COL21A1: variants seen among roughly 807,000 people sequenced by gnomAD.
COL21A1 encodes the protein collagen type XXI alpha 1 chain.
In COL21A1, 149 loss-of-function variants were observed where a neutral mutation model predicts 137.9. That is an observed-to-expected ratio of 1.08 (90% CI 0.95 to 1.24). COL21A1 has a LOEUF of 1.24. Among genes scored for constraint, COL21A1 ranks in the 50% most tolerant of loss-of-function variants. COL21A1 has a pLI of 0.00. For synonymous variants in COL21A1, 456 were observed against 391.5 expected, an observed-to-expected ratio of 1.16 and a Z score of -1.95; for missense variants, 1,167 against 1,158.4, an observed-to-expected ratio of 1.01 and a Z score of -0.11.
chr6:56,136,710 T>C (rs776692615), intron 12 of COL21A1, among the ~76,000 whole-genome samples: 1 of 152,172 alleles, frequency 6.6e-6, no homozygotes, highest in Non-Finnish European at 1.5e-5. Context: ...GTGTTTCAAA[T>C]TCACATAATA....
At chr6:56,124,538 G>C (rs187125149) in intron 14 of COL21A1, among the ~76,000 whole-genome samples, 1 of 152,128 alleles carries the variant, frequency 6.6e-6, no homozygotes, top group Non-Finnish European at 1.5e-5. Context: ...TAACATCTTG[G>C]CAAAATTAAA....
At chr6:56,260,610 A>AAG (rs377334361) in intron 1 of COL21A1, among the ~76,000 whole-genome samples, 342 of 103,298 alleles carry the variant, frequency 3.3e-3, no homozygotes, top group Non-Finnish European at 4.4e-3. Context: ...GAAGAAGAAG[A>AAG]AAGAAAGAGA....
Position 56,150,486 on chromosome 6 carries a change from C to T in COL21A1, c.1434+6401G>A, listed in dbSNP as rs867661807. The stretch of plus-strand genomic sequence containing the variant: ...TGAGCCGAGAGCGCGCCACTGCGCT[C>T]CAGCCTGGGCGACAGAGCGAGACTC... On this transcript the variant is annotated intron_variant, in intron 10 of 29. Coordinates refer to ENST00000244728, the MANE Select transcript of COL21A1 (RefSeq NM_030820.4). Among the ~76,000 whole-genome samples the T allele has an allele frequency of 2.3e-3, 352 of 150,470 alleles. 2 individuals are homozygous for T. The highest frequency in any genetic ancestry group is 7.8e-3 in the African/African-American group (315 of 40,454).
intron 2 of COL21A1, 66 bp downstream of exon 2, chr6:56,182,465 C>A: frequency 9.8e-7 from 1 of 1,025,030 alleles, no homozygotes; most frequent in Non-Finnish European, 1.5e-6. Context: ...ATTACTTGAA[C>A]TCCCCTAGTT....
chr6:56,248,264 A>G (rs952689659), upstream of COL21A1, among the ~76,000 whole-genome samples: 1 of 152,214 alleles, frequency 6.6e-6, no homozygotes, highest in South Asian at 2.1e-4. Flanking sequence ...CCCAACACAC[A>G]CAAGACCTGT....
intron 1 of COL21A1, among the ~76,000 whole-genome samples, chr6:56,312,209 A>G (rs781307469): frequency 5.3e-5 from 8 of 152,210 alleles, no homozygotes; most frequent in Non-Finnish European, 8.8e-5. Flanking sequence ...TAGCTGTACT[A>G]TAAAAGATTT....
At chr6:56,356,485 A>G (rs1765834376) in intron 1 of COL21A1, among the ~76,000 whole-genome samples, 1 of 152,218 alleles carries the variant, frequency 6.6e-6, no homozygotes, top group Non-Finnish European at 1.5e-5. Flanking sequence ...TTCACATTAA[A>G]AACAGAGGGC....
At chr6:56,359,404 T>C (rs866758666) in intron 1 of COL21A1, among the ~76,000 whole-genome samples, 4 of 152,180 alleles carry the variant, frequency 2.6e-5, no homozygotes, top group African/African-American at 7.2e-5. Flanking sequence ...GTTGTTCAGA[T>C]GATTACCCAC....
chr6:56,298,502 ACTGGGAGCCAGACATGTGGT>A (rs1331450552), intron 1 of COL21A1, among the ~76,000 whole-genome samples: 1 of 152,022 alleles, frequency 6.6e-6, no homozygotes, highest in South Asian at 2.1e-4. Flanking sequence ...ATAATGTGCA[ACTGGGAGCCAGACATGTGGT>A]CTGAGGATGA....
intron 1 of COL21A1, among the ~76,000 whole-genome samples, chr6:56,190,319 G>C (rs998308169): frequency 2.0e-5 from 3 of 152,142 alleles, no homozygotes; most frequent in African/African-American, 4.8e-5. Context: ...ACATGTCTAC[G>C]CAAATAAACT....
chr6:56,068,930 T>C (rs1766495530), intron 22 of COL21A1, 116 bp downstream of exon 22: 2 of 694,288 alleles, frequency 2.9e-6, no homozygotes, highest in Non-Finnish European at 5.0e-6. Context: ...ATATATAGGG[T>C]ACTTTATCAT....
At chr6:56,158,253 C>CTTTTTTTTTTTTTTTTTTTTTTTTT (rs59381031) in intron 9 of COL21A1, among the ~76,000 whole-genome samples, 1 of 104,908 alleles carries the variant, frequency 9.5e-6, no homozygotes, top group Non-Finnish European at 1.8e-5. Flanking sequence ...TGGGTTTTTT[C>CTTTTTTTTTTTTTTTTTTTTTTTTT]TTTTTTTTTT....
At chr6:56,260,848 CTGTGTGTG>C (rs70986790) in intron 1 of COL21A1, among the ~76,000 whole-genome samples, 1 of 135,216 alleles carries the variant, frequency 7.4e-6, no homozygotes, top group African/African-American at 3.0e-5. Flanking sequence ...CTTTAATTCA[CTGTGTGTG>C]TGTGTGTGTG....
chr6:56,109,848 T>C (rs963199406), intron 16 of COL21A1, among the ~76,000 whole-genome samples: 3 of 151,852 alleles, frequency 2.0e-5, no homozygotes, highest in African/African-American at 7.2e-5. Context: ...TCTAAATAGG[T>C]GTATTATTAA....
intron 1 of COL21A1, among the ~76,000 whole-genome samples, chr6:56,345,188 G>A (rs182281288): frequency 3.9e-5 from 6 of 152,088 alleles, no homozygotes; most frequent in Admixed American, 2.0e-4. Flanking sequence ...AGAGCAACAC[G>A]GATTACTTCT....
At position 56,130,165 on chromosome 6, in the gene COL21A1, TTATATATATATATATATATA is replaced by T. The variant is rs201644225; in HGVS notation, c.1543-4036_1543-4017del. On this transcript the variant is annotated intron_variant, in intron 12 of 29. Transcript: ENST00000244728. Reference sequence around the variant, plus strand: ...CCCTGAGAGCATTCATGACAGGGTTTTATATATATATATATATATATATATATATATATATATATATATAT... The same window carrying T: ...CCCTGAGAGCATTCATGACAGGGTTTTATATATATATATATATATATATAT... Among the ~76,000 whole-genome samples, 39 of 107,948 alleles carry T rather than the reference TTATATATATATATATATATA, an allele frequency of 3.6e-4. 1 individual carries two copies. Among genetic ancestry groups the T allele is most frequent in the South Asian group, 2.2e-3 (7 of 3,146 alleles). The allele number at this position is 107,948 out of a possible 152,430, so 70.8% of individuals were successfully genotyped here.
chr6:56,157,307 C>CTTT (rs34605782), intron 9 of COL21A1, among the ~76,000 whole-genome samples: 4 of 94,030 alleles, frequency 4.3e-5, no homozygotes, highest in Non-Finnish European at 6.1e-5. Flanking sequence ...ACTCATAAGA[C>CTTT]TTTTTTTTTT....
chr6:56,357,900 C>A (rs1395204082), intron 1 of COL21A1, among the ~76,000 whole-genome samples: 3 of 152,096 alleles, frequency 2.0e-5, no homozygotes, highest in African/African-American at 7.2e-5. Context: ...GAAACAAGAA[C>A]CTCAACAATT....
chr6:56,322,684 C>G (rs1181403123), intron 1 of COL21A1, among the ~76,000 whole-genome samples: 2 of 151,996 alleles, frequency 1.3e-5, no homozygotes, highest in Non-Finnish European at 2.9e-5. Flanking sequence ...TCTTATAAAC[C>G]TTAAACTTAT....
Sources: allele counts gnomAD v4.1 joint callset (sites outside exome capture counted in the v4.1 genomes callset), GRCh38; gene constraint gnomAD v4.1.1; transcripts MANE v1.5; gene names NCBI Gene and HGNC (gene_info 2026-07-23, HGNC 2026-07-21).